The following GRB14 variants were observed in gnomAD, a reference collection of about 807,000 sequenced individuals.
GRB14 encodes growth factor receptor-bound protein 14.
Under a neutral mutation model 69.1 loss-of-function variants are expected in GRB14, and 38 were observed. The ratio of observed to expected loss-of-function variants is 0.55; its 90% CI spans 0.42 to 0.72. GRB14 has a LOEUF of 0.72. GRB14 is among the 30% of genes least tolerant of loss of function. GRB14 has a pLI of 0.00. For synonymous variants in GRB14, 247 were observed against 241.3 expected (o/e 1.02, Z -0.22); for missense variants, 666 against 666.1 (o/e 1.00, Z 0.00).
At chr2:164,586,661 A>G (rs1384251345) in intron 2 of GRB14, among the ~76,000 whole-genome samples, 1 of 152,190 alleles carries the variant, frequency 6.6e-6, no homozygotes, top group Admixed American at 6.5e-5. Context: ...GGAAGACCAG[A>G]GTCATGCCCA....
intron 2 of GRB14, among the ~76,000 whole-genome samples, chr2:164,571,940 C>A (rs555091925): frequency 2.6e-5 from 4 of 152,286 alleles, no homozygotes; most frequent in South Asian, 4.1e-4. Context: ...TCATACAGCC[C>A]TTGTTCCTGA....
At chr2:164,600,861 T>C (rs1212639349) in intron 2 of GRB14, among the ~76,000 whole-genome samples, 3 of 152,180 alleles carry the variant, frequency 2.0e-5, no homozygotes, top group Non-Finnish European at 4.4e-5. Context: ...CTGATATTTA[T>C]AGCCCCACAT....
chr2:164,560,259 T>C (rs1055514235), intron 2 of GRB14, among the ~76,000 whole-genome samples: 4 of 152,214 alleles, frequency 2.6e-5, no homozygotes, highest in Admixed American at 6.5e-5. Context: ...ATTAGATGTA[T>C]ACATACATAT....
chr2:164,539,407 G>A (rs781030431), intron 3 of GRB14, among the ~76,000 whole-genome samples: 11 of 152,058 alleles, frequency 7.2e-5, no homozygotes, highest in African/African-American at 2.2e-4. Context: ...GCTGGGAGGC[G>A]GAGGAGGCAG....
chr2:164,517,583 A>G (rs781673448), intron 6 of GRB14, among the ~76,000 whole-genome samples: 2 of 152,228 alleles, frequency 1.3e-5, no homozygotes, highest in Non-Finnish European at 2.9e-5. Context: ...AGAATAAATA[A>G]GAATTCACCA....
intron 2 of GRB14, among the ~76,000 whole-genome samples, chr2:164,594,387 T>G (rs1689737186): frequency 6.6e-6 from 1 of 152,210 alleles, no homozygotes; most frequent in Admixed American, 6.5e-5. Context: ...TTAATCTTCA[T>G]GATACTCTGT....
intron 2 of GRB14, among the ~76,000 whole-genome samples, chr2:164,552,879 C>T (rs1336632443): frequency 1.3e-5 from 2 of 152,098 alleles, no homozygotes; most frequent in Non-Finnish European, 2.9e-5. Context: ...GGTGCTTCTG[C>T]CAAAGATGAT....
chr2:164,615,858 T>A (rs534657699), intron 2 of GRB14, among the ~76,000 whole-genome samples: 10 of 152,332 alleles, frequency 6.6e-5, no homozygotes, highest in Admixed American at 4.6e-4. Flanking sequence ...CTGATTCTGC[T>A]GCAAGAGCTA....
chr2:164,585,802 T>G (rs567565216), intron 2 of GRB14, among the ~76,000 whole-genome samples: 231 of 152,274 alleles, frequency 1.5e-3, no homozygotes, highest in African/African-American at 5.4e-3. Context: ...AAAGCACAGT[T>G]TTGGTCACCA....
intron 4 of GRB14, among the ~76,000 whole-genome samples, chr2:164,526,339 A>G (rs1326876214): frequency 6.6e-6 from 1 of 152,050 alleles, no homozygotes; most frequent in Non-Finnish European, 1.5e-5. Flanking sequence ...ATGAGCCCAG[A>G]GGCTATTCTG....
At chr2:164,600,018 G>T (rs1182725421) in intron 2 of GRB14, among the ~76,000 whole-genome samples, 1 of 152,134 alleles carries the variant, frequency 6.6e-6, no homozygotes, top group Non-Finnish European at 1.5e-5. Flanking sequence ...ATAAGTTTCA[G>T]CAAGTCATAT....
intron 2 of GRB14, among the ~76,000 whole-genome samples, chr2:164,577,689 T>C (rs72874844): frequency 4.7e-4 from 72 of 152,294 alleles, no homozygotes; most frequent in Non-Finnish European, 7.6e-4. Flanking sequence ...TAATATATAA[T>C]AAAACTGTAG....
At chr2:164,561,958 G>A (rs1423593974) in intron 2 of GRB14, among the ~76,000 whole-genome samples, 1 of 152,142 alleles carries the variant, frequency 6.6e-6, no homozygotes, top group Non-Finnish European at 1.5e-5. Context: ...CAAAAGATGA[G>A]AAACTTGGCA....
At chr2:164,574,241 CTTTTT>C (rs769386864) in intron 2 of GRB14, among the ~76,000 whole-genome samples, 1 of 137,064 alleles carries the variant, frequency 7.3e-6, no homozygotes, top group Non-Finnish European at 1.6e-5. Context: ...GAAAAATTAT[CTTTTT>C]TTTTTTTTTT....
At chr2:164,579,159 G>A (rs959300545) in intron 2 of GRB14, among the ~76,000 whole-genome samples, 6 of 151,974 alleles carry the variant, frequency 3.9e-5, no homozygotes, top group African/African-American at 1.5e-4. Context: ...CTTAGAAACC[G>A]TGACTTTAAG....
In GRB14 at chr2:164,619,680, T is replaced by C. The variant is rs554013004; in HGVS notation, c.324+7A>G. On this transcript the variant is annotated splice_region_variant and intron_variant, in intron 2 of 13. Transcript: ENST00000263915. The stretch of plus-strand genomic sequence containing the variant: ...ATTTTTGAAATTTAAAATTTAAAAA[T>C]GCATACCTGTTTTTTCCTTGAATTT... 2.5e-6 allele frequency: 4 copies of C among 1,571,436 alleles called. No individual in the cohort carries two copies. Among genetic ancestry groups the C allele is most frequent in the Non-Finnish European group, 3.4e-6 (4 of 1,164,748 alleles).
At position 164,497,278 on chromosome 2, in the gene GRB14, T is replaced by G. The variant is rs1228896190; in HGVS notation, c.1227A>C (p.Lys409Asn). The change falls in exon 11 of 14, where the codon AAA (lysine) becomes AAC (asparagine). Residue 409 changes from lysine to asparagine, a missense_variant. Lys to Asn is a moderately conservative substitution (Grantham distance 94, BLOSUM62 0). Transcript: ENST00000263915. ...AVEEGLAWRKKGCLRLGTHGS... is the reference protein window; with the variant it reads ...AVEEGLAWRKNGCLRLGTHGS... ...CGTGAGTGCCCAGGCGTAAACATCC[T>G]TTTTTCTGAGCAAGGAAGGAGAAAA... 6.2e-7 allele frequency: 1 copy of G among 1,612,340 alleles called. No individual in the cohort carries two copies. The highest frequency in any genetic ancestry group is 2.2e-5 in the East Asian group (1 of 44,850).
chr2:164,547,150 C>T (rs144304426), intron 3 of GRB14, among the ~76,000 whole-genome samples: 2 of 152,194 alleles, frequency 1.3e-5, no homozygotes, highest in African/African-American at 4.8e-5. Flanking sequence ...TGCCAAGATA[C>T]AGACACACAT....
At chr2:164,620,938 C>T (rs190911025) in intron 1 of GRB14, among the ~76,000 whole-genome samples, 181 bp downstream of exon 1, 66 of 152,290 alleles carry the variant, frequency 4.3e-4, no homozygotes, top group Admixed American at 7.2e-4. Context: ...ATTTATAAGG[C>T]GCTGTGAGAT....
Sources: gnomAD v4.1 joint callset for allele counts (sites outside exome capture counted in the v4.1 genomes callset) on GRCh38, gnomAD v4.1.1 for gene constraint, MANE v1.5 for transcripts, NCBI Gene and HGNC (gene_info 2026-07-23, HGNC 2026-07-21) for gene names.